Variants in ACCSL observed in about 807,000 individuals in gnomAD.
The protein encoded by ACCSL is 1-aminocyclopropane-1-carboxylate synthase homolog (inactive) like, also known as probable inactive 1-aminocyclopropane-1-carboxylate synthase-like protein 2.
Under a neutral mutation model 61.7 loss-of-function variants are expected in ACCSL, and 55 were observed. The ratio of observed to expected loss-of-function variants is 0.89; its 90% confidence interval spans 0.72 to 1.12. ACCSL has a LOEUF of 1.12. Ranked by LOEUF, ACCSL falls within the 50% of genes most tolerant of loss-of-function variation. The probability of loss-of-function intolerance (pLI) is 0.00; values close to 1 mark genes in which losing one functional copy is unlikely to be tolerated. For synonymous variants in ACCSL, 258 were observed against 264.3 expected (o/e 0.98, Z 0.23); for missense variants, 632 against 698.0 (o/e 0.91, Z 1.07).
At chr11:44,007,460 C>T in the ACCSL span, among the ~76,000 whole-genome samples, 39 of 152,240 alleles carry the variant, frequency 2.6e-4, no homozygotes, top group Middle Eastern at 6.8e-3. Context: ...TCCAAGAGCC[C>T]CCATAGAAAC....
the ACCSL span, among the ~76,000 whole-genome samples, chr11:43,926,774 G>C: frequency 6.6e-6 from 1 of 152,224 alleles, no homozygotes; most frequent in Non-Finnish European, 1.5e-5. Flanking sequence ...GTGTAAGACA[G>C]GGTCTCACTC....
the ACCSL span, among the ~76,000 whole-genome samples, chr11:44,013,273 A>G: frequency 6.6e-6 from 1 of 152,176 alleles, no homozygotes; most frequent in South Asian, 2.1e-4. Context: ...AACATAAGCA[A>G]TTCTTTTTCC....
chr11:44,051,762 C>T (rs1344561270), intron 5 of ACCSL, 43 bp downstream of exon 5: 1 of 1,608,084 alleles, frequency 6.2e-7, no homozygotes, highest in Non-Finnish European at 8.5e-7. Context: ...GAAATACTAG[C>T]AACACAGGTA....
chr11:43,939,774 T>C, the ACCSL span, among the ~76,000 whole-genome samples: 1 of 152,150 alleles, frequency 6.6e-6, no homozygotes. Flanking sequence ...ACCTGGCTAA[T>C]TTTTGTATTT....
the ACCSL span, chr11:43,943,005 G>A: frequency 1.3e-6 from 2 of 1,504,616 alleles, no homozygotes; most frequent in Non-Finnish European, 1.8e-6. This position sits in a 1 kb window ranked among gnomAD's most constrained non-coding sequence, Gnocchi z 4.8. Flanking sequence ...CAGCCCGTGC[G>A]GCCCGCCAAG....
At chr11:43,926,461 T>G in the ACCSL span, 3 of 455,710 alleles carry the variant, frequency 6.6e-6, no homozygotes, top group Admixed American at 7.1e-5. Flanking sequence ...ACAGAACGCC[T>G]TGGCCTGCAA....
At position 44,048,302 on chromosome 11, in the gene ACCSL, GC is replaced by G. The variant is rs1295498330; in HGVS notation, c.268del (p.Leu90TrpfsTer34). 1 of 1,614,092 alleles carries G rather than the reference GC, an allele frequency of 6.2e-7. No individual in the cohort carries two copies. Among genetic ancestry groups the G allele is most frequent in the South Asian group, 1.1e-5 (1 of 91,066 alleles). Reference sequence around the variant, plus strand: ...CTCCTACAGTCTGGGGCCGCGAGTGGCCTGGAGCTCCAAGTGCCTCTTCCTT... The same window carrying G: ...CTCCTACAGTCTGGGGCCGCGAGTGGCTGGAGCTCCAAGTGCCTCTTCCTT... The part of the protein sequence containing the change: ...INLLQSGAAS[G>X]LELQVPLPSE... On this transcript the variant is annotated frameshift_variant, in exon 1 of 14. Coordinates refer to ENST00000378832, the MANE Select transcript of ACCSL (RefSeq NM_001031854.2). LOFTEE classifies it high-confidence loss of function.
the ACCSL span, among the ~76,000 whole-genome samples, chr11:43,987,731 C>T: frequency 2.6e-5 from 4 of 152,072 alleles, no homozygotes; most frequent in Non-Finnish European, 5.9e-5. Flanking sequence ...ATCACAGAGC[C>T]GGAGACCTGG....
chr11:44,024,441 CTGTG>C, the ACCSL span, among the ~76,000 whole-genome samples: 3,777 of 131,718 alleles, frequency 0.029, 126 homozygotes, highest in African/African-American at 0.072. Flanking sequence ...CTCTCTCTCT[CTGTG>C]TGTGTGTGTG....
the ACCSL span, among the ~76,000 whole-genome samples, chr11:43,966,675 C>T: frequency 6.6e-6 from 1 of 152,208 alleles, no homozygotes; most frequent in Admixed American, 6.5e-5. Flanking sequence ...CTTAAATAGC[C>T]TGTGAGTTTT....
chr11:44,015,434 A>G, the ACCSL span, among the ~76,000 whole-genome samples: 1 of 152,188 alleles, frequency 6.6e-6, no homozygotes, highest in African/African-American at 2.4e-5. Flanking sequence ...AGTGGGAGAC[A>G]GGGCCGTCTA....
the ACCSL span, among the ~76,000 whole-genome samples, chr11:44,040,919 T>C: frequency 6.6e-6 from 1 of 152,188 alleles, no homozygotes; most frequent in Non-Finnish European, 1.5e-5. Flanking sequence ...TTGACCAACT[T>C]GGGTTTGAAG....
intron 11 of ACCSL, 38 bp downstream of exon 11, chr11:44,056,364 C>A: frequency 1.3e-6 from 2 of 1,594,106 alleles, no homozygotes; most frequent in South Asian, 1.1e-5. Context: ...GTTGGCTGGA[C>A]CTCATGGCCA....
chr11:44,058,337 C>A lies in ACCSL; in HGVS notation c.1348C>A (p.Leu450Ile). 6.2e-7 allele frequency: 1 copy of A among 1,614,144 alleles called. No homozygotes were observed. Among genetic ancestry groups the A allele is most frequent in the Non-Finnish European group, 8.5e-7 (1 of 1,180,032 alleles). The change falls in exon 12 of 14, where the codon CTA becomes ATA. Residue 450 changes from leucine (L) to isoleucine (I), a missense_variant. Leu to Ile is a conservative substitution (Grantham distance 5). Coordinates refer to ENST00000378832, the MANE Select transcript of ACCSL (RefSeq NM_001031854.2). The part of the protein sequence containing the change: ...QNTEWIDKVY[L>I]PTNCYRLREA... ...TCCAGAATGGATTGACAAAGTATAC[C>A]TACCCACCAATTGCTACCGGCTCCG...
the ACCSL span, among the ~76,000 whole-genome samples, chr11:43,939,896 C>T: frequency 3.9e-5 from 6 of 152,108 alleles, no homozygotes; most frequent in African/African-American, 7.2e-5. Flanking sequence ...CATGAGCCAC[C>T]GTGCCTGGAC....
At chr11:44,031,063 C>T in the ACCSL span, among the ~76,000 whole-genome samples, 1 of 152,316 alleles carries the variant, frequency 6.6e-6, no homozygotes, top group African/African-American at 2.4e-5. Flanking sequence ...GTTTAAGTCT[C>T]AGCCCTGCCT....
chr11:44,058,459 G>T lies in ACCSL; in HGVS notation c.1470G>T (p.Lys490Asn). ...SGLYVWINLK[K>N]YLDPCTFEEE... is the part of the protein sequence containing the mutation. The stretch of plus-strand genomic sequence containing the variant: ...TCTATGTCTGGATCAACTTGAAAAA[G>T]GTGTGTTCTGGGAATGAGGACAGGT... Residue 490 changes from lysine (K) to asparagine (N), a missense_variant and splice_region_variant, in exon 12 of 14, where the codon AAG becomes AAT. Transcript: ENST00000378832. 16 of 1,614,142 alleles carry T rather than the reference G, an allele frequency of 9.9e-6. No individual in the cohort carries two copies. The highest frequency in any genetic ancestry group is 1.7e-5 in the Admixed American group (1 of 60,014).
intron 11 of ACCSL, among the ~76,000 whole-genome samples, chr11:44,057,061 A>G (rs114867125): frequency 1.3e-3 from 199 of 152,370 alleles, no homozygotes; most frequent in African/African-American, 4.3e-3. Context: ...CTAATACAAC[A>G]TAATCTCATC....
the ACCSL span, chr11:43,943,982 C>A: frequency 1.4e-6 from 1 of 704,180 alleles, no homozygotes; most frequent in Non-Finnish European, 2.0e-6. The surrounding 1 kb of genome is among the most constrained non-coding windows in gnomAD (Gnocchi z 4.8). Context: ...GACCAGGGAG[C>A]CGGGAGTGGA....
Sources: allele counts gnomAD v4.1 joint callset (sites outside exome capture counted in the v4.1 genomes callset), GRCh38; gene constraint gnomAD v4.1.1; non-coding constraint Gnocchi (gnomAD v3.1); transcripts MANE v1.5; gene names NCBI Gene and HGNC (gene_info 2026-07-23, HGNC 2026-07-21).